Variants in CYBB observed in about 807,000 individuals in gnomAD.
CYBB encodes NADPH oxidase 2.
In CYBB, 5 loss-of-function variants were observed where a neutral mutation model predicts 46.5. The observed-to-expected ratio is 0.11, with a 90% CI of 0.06 to 0.23. The LOEUF is 0.23. Among genes scored for constraint, CYBB ranks in the 10% least tolerant of loss-of-function variants. The pLI, the probability that CYBB is intolerant of heterozygous loss-of-function variation, is 1.00. For synonymous variants in CYBB, 183 were observed against 156.7 expected (o/e 1.17, Z -1.26); for missense variants, 307 against 428.3 (o/e 0.72, Z 2.50).
At chrX:37,783,336 C>T (rs1012801328) in intron 2 of CYBB, among the ~76,000 whole-genome samples, 154 bp from the exon 3 acceptor site, 7 of 111,552 alleles carry the variant, frequency 6.3e-5, no homozygotes, top group African/African-American at 2.3e-4. Context: ...CCTAGCTAGC[C>T]CTAAAGGAAA....
intron 3 of CYBB, among the ~76,000 whole-genome samples, chrX:37,791,134 G>GT (rs1929189546): frequency 2.7e-5 from 3 of 111,083 alleles, no homozygotes; most frequent in African/African-American, 9.8e-5. Flanking sequence ...ATAAACTCTA[G>GT]TATCAGATGG....
At chrX:37,797,171 C>G (rs1029507320) in intron 6 of CYBB, among the ~76,000 whole-genome samples, 3 of 111,252 alleles carry the variant, frequency 2.7e-5, no homozygotes, top group African/African-American at 9.8e-5. Context: ...GCATTGGGCA[C>G]TGCATTCTTA....
chrX:37,811,045 T>G lies in CYBB; in HGVS notation c.*128T>G. On this transcript the variant is annotated 3_prime_UTR_variant, in exon 13 of 13. Transcript: ENST00000378588. ...AAACTATAATGTAATGGTTTTCCCTTAAAGGAATGTCAAAGATTGTTTGAT... is the reference window on the plus strand; with the variant it reads ...AAACTATAATGTAATGGTTTTCCCTGAAAGGAATGTCAAAGATTGTTTGAT... The G allele has an allele frequency of 3.1e-6, 2 of 635,402 alleles. No homozygotes were observed. The highest frequency in any genetic ancestry group is 4.8e-6 in the Non-Finnish European group (2 of 414,614). 52.4% of individuals were successfully genotyped at this position (635,402 alleles called of 1,213,427 possible).
At position 37,785,870 on chromosome X, in the gene CYBB, G is replaced by A. The variant is rs191743512; in HGVS notation, c.252+2270G>A. Among the ~76,000 whole-genome samples the A allele has an allele frequency of 9.0e-5, 10 of 111,342 alleles. No individual in the cohort carries two copies. The South Asian group carries it at 1.1e-3, about 13-fold the overall frequency. ...GTCTACAAGTCCAAATTTCACTGCC[G>A]GTGAGCACCATGTCCCATGAGCAGC... On this transcript the variant is annotated intron_variant, in intron 3 of 12. Transcript: ENST00000378588.
At chrX:37,799,879 G>T (rs1929400518) in intron 7 of CYBB, among the ~76,000 whole-genome samples, 1 of 111,176 alleles carries the variant, frequency 9.0e-6, no homozygotes, top group African/African-American at 3.3e-5. Context: ...CTTCTGAAGA[G>T]GATTATTTTT....
At chrX:37,782,271 T>A (rs1928968308) in intron 2 of CYBB, 88 bp downstream of exon 2, 2 of 670,655 alleles carry the variant, frequency 3.0e-6, no homozygotes, top group Non-Finnish European at 4.8e-6. Context: ...GCATTTTAAA[T>A]ACATATTCTG....
In CYBB at chrX:37,811,196, A is replaced by G; in HGVS notation, c.*279A>G. On this transcript the variant is annotated 3_prime_UTR_variant, in exon 13 of 13. Transcript: ENST00000378588. Reference sequence around the variant, plus strand: ...AAAAGATTCTTGGACTCAATTTTAGAATCAAAAGGGAAAGGATCAAAAGGT... The same window carrying G: ...AAAAGATTCTTGGACTCAATTTTAGGATCAAAAGGGAAAGGATCAAAAGGT... 1 of 271,264 alleles carries G rather than the reference A, an allele frequency of 3.7e-6. No homozygotes were observed. The highest frequency in any genetic ancestry group is 3.8e-5 in the South Asian group (1 of 26,024). The allele number at this position is 271,264 out of a possible 1,213,427, so 22.4% of individuals were successfully genotyped here. A position where few individuals can be genotyped will look rare whatever the true frequency, so the allele number is the denominator to read the frequency against.
chrX:37,794,188 C>A (rs1929255015), intron 5 of CYBB, among the ~76,000 whole-genome samples: 1 of 112,011 alleles, frequency 8.9e-6, no homozygotes, highest in South Asian at 3.7e-4. Flanking sequence ...TTGAGGAACT[C>A]TGGGCATCTC....
chrX:37,811,353 A>C lies in CYBB; in HGVS notation c.*436A>C, dbSNP rs1184241725. The C allele has an allele frequency of 1.5e-5, 2 of 137,927 alleles. No individual in the cohort carries two copies. Among genetic ancestry groups the C allele is most frequent in the Admixed American group, 1.6e-4 (2 of 12,846 alleles). 11.4% of individuals were successfully genotyped at this position (137,927 alleles called of 1,213,427 possible). On this transcript the variant is annotated 3_prime_UTR_variant, in exon 13 of 13. Coordinates refer to ENST00000378588, the MANE Select transcript of CYBB (RefSeq NM_000397.4). ...AGTTTTTATATTCCCCAAAAGAAGA[A>C]GGAAACCAAGGAGTAGCTATATATT...
intron 1 of CYBB, 106 bp from the exon 2 acceptor site, chrX:37,781,982 G>T (rs1229219256): frequency 1.6e-6 from 1 of 634,536 alleles, no homozygotes; most frequent in African/African-American, 2.2e-5. Flanking sequence ...CACTACCTTT[G>T]TCAAAGTTGG....
At position 37,806,467 on chromosome X, in the gene CYBB, G is replaced by A; in HGVS notation, c.1395G>A (p.Met465Ile). The A allele has an allele frequency of 8.3e-7, 1 of 1,210,951 alleles. No individual in the cohort carries two copies. The highest frequency in any genetic ancestry group is 1.1e-6 in the Non-Finnish European group (1 of 894,836). The change falls in exon 11 of 13, where the codon ATG (methionine) becomes ATA (isoleucine). Residue 465 changes from methionine to isoleucine, a missense_variant. Coordinates refer to ENST00000378588, the MANE Select transcript of CYBB (RefSeq NM_000397.4). ...TGCTGCAACTGCTGGAGAGCCAGAT[G>A]CAGGAAAGGAACAATGCCGGCTTCC... is the stretch of plus-strand genomic sequence containing the variant. ...ADLLQLLESQ[M>I]QERNNAGFLS...
At chrX:37,783,225 A>G (rs1928991176) in intron 2 of CYBB, among the ~76,000 whole-genome samples, 1 of 111,887 alleles carries the variant, frequency 8.9e-6, no homozygotes, top group African/African-American at 3.2e-5. Flanking sequence ...ATAAACAGGT[A>G]TTTATTGTAA....
In CYBB at chrX:37,809,602, A is replaced by G. The variant is rs782201696; in HGVS notation, c.1497A>G (p.Lys499=). 1 of 1,203,464 alleles carries G rather than the reference A, an allele frequency of 8.3e-7. No homozygotes were observed. The highest frequency in any genetic ancestry group is 1.7e-5 in the African/African-American group (1 of 57,524). ...NHFAVHHDEE[K]DVITGLKQKT... ...TTGCTGTGCACCATGATGAGGAGAAAGATGTGATCACAGGCCTGAAACAAA... is the reference window on the plus strand; with the variant it reads ...TTGCTGTGCACCATGATGAGGAGAAGGATGTGATCACAGGCCTGAAACAAA... Residue 499 remains lysine, a synonymous_variant, in exon 12 of 13, where the codon AAA becomes AAG. Transcript: ENST00000378588.
chrX:37,782,780 C>A (rs1205688736), intron 2 of CYBB, among the ~76,000 whole-genome samples: 1 of 110,999 alleles, frequency 9.0e-6, no homozygotes, highest in Non-Finnish European at 1.9e-5. Flanking sequence ...TTACATCATG[C>A]TGAAACTATG....
At chrX:37,795,889 C>CGTGTGTGT (rs1569479385) in intron 5 of CYBB, 62 bp from the exon 6 acceptor site, 1 of 688,390 alleles carries the variant, frequency 1.5e-6, no homozygotes, top group African/African-American at 2.4e-5. Context: ...TGCTTGCGCA[C>CGTGTGTGT]ATGTGTGTGT....
At chrX:37,782,452 TACTC>T (rs1928971976) in intron 2 of CYBB, among the ~76,000 whole-genome samples, 1 of 112,388 alleles carries the variant, frequency 8.9e-6, no homozygotes, top group African/African-American at 3.2e-5. Flanking sequence ...AGAAATCTAA[TACTC>T]ACTCTGAAAT....
intron 3 of CYBB, among the ~76,000 whole-genome samples, chrX:37,789,573 T>C (rs1556466379): frequency 1.0e-5 from 1 of 95,767 alleles, no homozygotes; most frequent in African/African-American, 3.7e-5. Context: ...AACATGGCAA[T>C]TGGGAAACAG....
At chrX:37,793,265 C>T (rs5917471) in intron 4 of CYBB, among the ~76,000 whole-genome samples, 58,486 of 107,862 alleles carry the variant, frequency 0.54, 13,763 homozygotes, top group African/African-American at 0.9. Context: ...TAGGCATTCA[C>T]TACATGAGTG....
intron 1 of CYBB, among the ~76,000 whole-genome samples, chrX:37,781,018 T>A (rs1346889090): frequency 9.0e-6 from 1 of 111,688 alleles, no homozygotes; most frequent in Non-Finnish European, 1.9e-5. Flanking sequence ...AAATAATGAG[T>A]CTTTGAGTTT....
Sources: gnomAD v4.1 joint callset for allele counts (sites outside exome capture counted in the v4.1 genomes callset) on GRCh38, gnomAD v4.1.1 for gene constraint, MANE v1.5 for transcripts, NCBI Gene and HGNC (gene_info 2026-07-23, HGNC 2026-07-21) for gene names.